LPIN2: variants seen among roughly 807,000 people sequenced by gnomAD.
LPIN2 encodes the protein phosphatidate phosphatase LPIN2.
LPIN2 carries 55 observed loss-of-function variants against 111.4 expected under a neutral mutation model. The ratio of observed to expected loss-of-function variants is 0.49; its 90% CI spans 0.40 to 0.62. The LOEUF (loss-of-function observed/expected upper bound fraction) is 0.62. Among genes scored for constraint, LPIN2 ranks in the 20% least tolerant of loss-of-function variants. The probability of loss-of-function intolerance (pLI) is 0.00; values close to 1 mark genes in which losing one functional copy is unlikely to be tolerated. For missense variants in LPIN2, 992 were observed against 1,112.1 expected, an observed-to-expected ratio of 0.89 and a Z score of 1.54; for synonymous variants, 425 against 414.0, an observed-to-expected ratio of 1.03 and a Z score of -0.32.
At chr18:3,007,407 G>A (rs145898018) in intron 1 of LPIN2, among the ~76,000 whole-genome samples, 6,519 of 152,244 alleles carry the variant, frequency 0.043, 456 homozygotes, top group African/African-American at 0.15. Flanking sequence ...TCCTGACCTC[G>A]TGATCCGCCC....
chr18:2,969,706 C>G (rs2143282273), intron 1 of LPIN2, among the ~76,000 whole-genome samples: 1 of 152,206 alleles, frequency 6.6e-6, no homozygotes, highest in Non-Finnish European at 1.5e-5. Context: ...GGGATAAAAA[C>G]AAATACACGC....
chr18:2,926,836 C>T (rs368315773), intron 12 of LPIN2, 31 bp from the exon 13 acceptor site: 2 of 1,577,960 alleles, frequency 1.3e-6, no homozygotes, highest in Admixed American at 1.7e-5. Context: ...TGGCAACATG[C>T]AATTTTTTCC....
intron 4 of LPIN2, 147 bp downstream of exon 4, chr18:2,950,908 C>T (rs919574287): frequency 1.4e-5 from 11 of 792,160 alleles, no homozygotes; most frequent in Non-Finnish European, 1.7e-5. Flanking sequence ...AAAGAAACTG[C>T]CTTTGCTGCT....
At chr18:2,955,831 C>T (rs1027664033) in intron 2 of LPIN2, among the ~76,000 whole-genome samples, 1 of 152,114 alleles carries the variant, frequency 6.6e-6, no homozygotes, top group Non-Finnish European at 1.5e-5. Context: ...AGGAGAATCG[C>T]TTGAACCCAG....
At chr18:2,937,023 T>G (rs2077296262) in intron 7 of LPIN2, among the ~76,000 whole-genome samples, 1 of 152,186 alleles carries the variant, frequency 6.6e-6, no homozygotes, top group Non-Finnish European at 1.5e-5. Flanking sequence ...TGAAAACATT[T>G]TTTCTCTATT....
chr18:3,001,033 T>G (rs1158326319), intron 1 of LPIN2, among the ~76,000 whole-genome samples: 1 of 152,038 alleles, frequency 6.6e-6, no homozygotes, highest in Non-Finnish European at 1.5e-5. Context: ...CAAAAAAAGG[T>G]AACTTCTCAA....
chr18:2,934,472 G>A, intron 7 of LPIN2, 22 bp from the exon 8 acceptor site: 6 of 1,493,764 alleles, frequency 4.0e-6, no homozygotes, highest in Non-Finnish European at 5.6e-6. Context: ...AAAAATCAGA[G>A]GTAAGAATTT....
At chr18:3,010,523 G>C (rs776044825) in intron 1 of LPIN2, among the ~76,000 whole-genome samples, 1 of 152,146 alleles carries the variant, frequency 6.6e-6, no homozygotes, top group Non-Finnish European at 1.5e-5. Context: ...AGAAAAACAG[G>C]ATTTTAAAAT....
In LPIN2 at chr18:2,920,774, T is replaced by C; in HGVS notation, c.2546+4A>G. 2 of 1,611,404 alleles carry C rather than the reference T, an allele frequency of 1.2e-6. No individual in the cohort carries two copies. Among genetic ancestry groups the C allele is most frequent in the Non-Finnish European group, 1.7e-6 (2 of 1,177,506 alleles). On this transcript the variant is annotated splice_donor_region_variant and intron_variant, in intron 19 of 19. Coordinates refer to ENST00000677752, the MANE Select transcript of LPIN2 (RefSeq NM_001375808.2). ...GCCGGGCTGAGAGCTGAGAATGTAC[T>C]TACGATGACTTGTTTCCTTTGGTTC...
At chr18:2,934,257 T>A in intron 8 of LPIN2, 94 bp downstream of exon 8, 1 of 948,010 alleles carries the variant, frequency 1.1e-6, no homozygotes, top group Admixed American at 2.0e-5. Flanking sequence ...AAGGACACCA[T>A]CATCTTGTTC....
At chr18:2,930,456 G>C (rs989528232) in intron 9 of LPIN2, among the ~76,000 whole-genome samples, 1 of 152,194 alleles carries the variant, frequency 6.6e-6, no homozygotes, top group Non-Finnish European at 1.5e-5. Context: ...CCCTGGAAAG[G>C]AAAGACTTCA....
rs919742723 is a variant in LPIN2, at chr18:2,918,615, G to C, written c.*1678C>G. ...CTGGGGGAAGCTTTGCATGGGAGAA[G>C]GCTCATGTGGTCCCTTCTCTGGGAA... On this transcript the variant is annotated 3_prime_UTR_variant, in exon 20 of 20. Transcript: ENST00000677752. The C allele has an allele frequency of 6.6e-6, 1 of 152,104 alleles. No homozygotes were observed. The highest frequency in any genetic ancestry group is 1.5e-5 in the Non-Finnish European group (1 of 68,014). 9.4% of individuals were successfully genotyped at this position (152,104 alleles called of 1,614,324 possible). A position where few individuals can be genotyped will look rare whatever the true frequency, so the allele number is the denominator to read the frequency against.
intron 1 of LPIN2, among the ~76,000 whole-genome samples, chr18:2,962,674 T>A (rs935731062): frequency 2.6e-5 from 4 of 152,186 alleles, no homozygotes; most frequent in African/African-American, 9.7e-5. Flanking sequence ...ATCTCATGCA[T>A]CCTTTTCATA....
rs573794557 is a variant in LPIN2, at chr18:2,921,614, T to C, written c.2361A>G (p.Lys787=). The C allele has an allele frequency of 6.2e-7, 1 of 1,613,766 alleles. No homozygotes were observed. Among genetic ancestry groups the C allele is most frequent in the Admixed American group, 1.7e-5 (1 of 60,028 alleles). ...EVIEKKPEKF[K]IECLNDIKNL... is the part of the protein sequence containing the mutation. Reference sequence around the variant, plus strand: ...TCTTGATATCATTTAGACACTCAATTTTGAACTTCTCTGGTTTCTTTTCTA... The same window carrying C: ...TCTTGATATCATTTAGACACTCAATCTTGAACTTCTCTGGTTTCTTTTCTA... Residue 787 remains lysine, a synonymous_variant, in exon 18 of 20, where the codon AAA becomes AAG. Coordinates refer to ENST00000677752, the MANE Select transcript of LPIN2 (RefSeq NM_001375808.2).
At chr18:2,955,328 C>A (rs1242337177) in intron 2 of LPIN2, among the ~76,000 whole-genome samples, 1 of 152,096 alleles carries the variant, frequency 6.6e-6, no homozygotes, top group African/African-American at 2.4e-5. Flanking sequence ...CCTTTACTCA[C>A]GGTGAAAGGC....
Position 2,922,135 on chromosome 18 carries a change from AGCCACGGGTCATGTCGGCCAT to A in LPIN2, c.2218_2238del (p.Met740_Gly746del), listed in dbSNP as rs1237173252. On this transcript the variant is annotated inframe_deletion, in exon 17 of 20. Coordinates refer to ENST00000677752, the MANE Select transcript of LPIN2 (RefSeq NM_001375808.2). ...CCCTTGTCATTGACCCAGTGCAGGT[AGCCACGGGTCATGTCGGCCAT>A]GCCGATGGCACGAGCCGAGCAGTAC... The A allele has an allele frequency of 6.2e-7, 1 of 1,613,968 alleles. No individual in the cohort carries two copies. Among genetic ancestry groups the A allele is most frequent in the Admixed American group, 1.7e-5 (1 of 60,016 alleles).
intron 1 of LPIN2, among the ~76,000 whole-genome samples, chr18:2,986,750 CAA>C (rs937143135): frequency 1.4e-4 from 22 of 152,140 alleles, no homozygotes; most frequent in Non-Finnish European, 1.0e-4. Flanking sequence ...TATTTGGAGA[CAA>C]GAGAGACAAT....
At chr18:2,996,976 G>A (rs1194500587) in intron 1 of LPIN2, among the ~76,000 whole-genome samples, 4 of 83,454 alleles carry the variant, frequency 4.8e-5, no homozygotes. Context: ...CATTTTTGGA[G>A]GCTTGTATTT....
At chr18:3,005,166 A>T (rs1016758470) in intron 1 of LPIN2, among the ~76,000 whole-genome samples, 1 of 151,940 alleles carries the variant, frequency 6.6e-6, no homozygotes, top group African/African-American at 2.4e-5. Context: ...CCTGGCCAAC[A>T]TGGTGAAACC....
Sources: gnomAD v4.1 joint callset for allele counts (sites outside exome capture counted in the v4.1 genomes callset) on GRCh38, gnomAD v4.1.1 for gene constraint, MANE v1.5 for transcripts, NCBI Gene and HGNC (gene_info 2026-07-23, HGNC 2026-07-21) for gene names.